POLQ: variants seen among roughly 807,000 people sequenced by gnomAD.
POLQ encodes epididymis secretory sperm binding protein.
POLQ carries 233 observed loss-of-function variants against 259.2 expected under a neutral mutation model. The observed-to-expected ratio is 0.90, with a 90% CI of 0.81 to 1.00. The LOEUF (loss-of-function observed/expected upper bound fraction) is 1.00. Among genes scored for constraint, POLQ ranks in the 50% least tolerant of loss-of-function variants. The pLI, the probability that POLQ is intolerant of heterozygous loss-of-function variation, is 0.00. For missense variants in POLQ, 2,871 were observed against 3,051.6 expected, an observed-to-expected ratio of 0.94 and a Z score of 1.39; for synonymous variants, 1,025 against 1,048.8, an observed-to-expected ratio of 0.98 and a Z score of 0.44.
rs754911146 is a variant in POLQ, at chr3:121,539,451, T to C, written c.613A>G (p.Asn205Asp). 1 of 1,602,274 alleles carries C rather than the reference T, an allele frequency of 6.2e-7. No individual in the cohort carries two copies. The highest frequency in any genetic ancestry group is 1.7e-4 in the Middle Eastern group (1 of 6,036). ...TTCTTACCTAACAGATCCATCTTAT[T>C]TTCCTCTATGAGGCGATTGATCAGA... ...NGLINRLIEE[N>D]KMDLLGMVVV... Residue 205 changes from asparagine (N) to aspartate (D), a missense_variant, in exon 4 of 30, where the codon AAT becomes GAT. Coordinates refer to ENST00000264233, the MANE Select transcript of POLQ (RefSeq NM_199420.4).
At chr3:121,444,085 T>C (rs548591382) in intron 26 of POLQ, among the ~76,000 whole-genome samples, 10 of 152,282 alleles carry the variant, frequency 6.6e-5, no homozygotes, top group African/African-American at 1.9e-4. Flanking sequence ...TGTGGTTCCA[T>C]GTAAATTGTA....
At chr3:121,432,499 A>T in intron 29 of POLQ, 82 bp from the exon 30 acceptor site, 2 of 1,433,778 alleles carry the variant, frequency 1.4e-6, no homozygotes, top group Non-Finnish European at 9.3e-7. Flanking sequence ...GTTATAAACC[A>T]GACTGGAGCT....
intron 20 of POLQ, 56 bp from the exon 21 acceptor site, chr3:121,473,543 C>A: frequency 7.0e-7 from 1 of 1,425,976 alleles, no homozygotes; most frequent in Non-Finnish European, 9.7e-7. Context: ...GATTATCATT[C>A]AGAAAATATT....
intron 27 of POLQ, among the ~76,000 whole-genome samples, chr3:121,437,586 T>G (rs1451239224): frequency 6.6e-6 from 1 of 152,178 alleles, no homozygotes; most frequent in Non-Finnish European, 1.5e-5. Flanking sequence ...ACTCACATAC[T>G]CTTCTGAAGG....
chr3:121,518,028 C>T (rs2048311644), intron 9 of POLQ, among the ~76,000 whole-genome samples: 1 of 152,174 alleles, frequency 6.6e-6, no homozygotes, highest in African/African-American at 2.4e-5. Flanking sequence ...CTGCCACGAA[C>T]ACAGAATACT....
intron 25 of POLQ, among the ~76,000 whole-genome samples, chr3:121,457,949 G>A (rs1016666925): frequency 3.9e-5 from 6 of 152,010 alleles, no homozygotes; most frequent in African/African-American, 7.2e-5. Context: ...TGTTTATTGC[G>A]GCACTATTCA....
chr3:121,542,142 G>GAA (rs770847564), intron 2 of POLQ, among the ~76,000 whole-genome samples: 1 of 122,406 alleles, frequency 8.2e-6, no homozygotes, highest in Admixed American at 8.2e-5. Context: ...TCTCAAAAAG[G>GAA]AAAAAAAAAA....
At chr3:121,481,260 G>C (rs2047967979) in intron 19 of POLQ, among the ~76,000 whole-genome samples, 1 of 152,212 alleles carries the variant, frequency 6.6e-6, no homozygotes, top group African/African-American at 2.4e-5. Flanking sequence ...ACAAGGGCCA[G>C]AAGTCAGCAA....
At chr3:121,502,749 A>G (rs991177971) in intron 12 of POLQ, among the ~76,000 whole-genome samples, 12 of 152,244 alleles carry the variant, frequency 7.9e-5, no homozygotes, top group Non-Finnish European at 1.2e-4. Flanking sequence ...CTCTAAAAAC[A>G]TTAAATTACA....
rs563687657 is a variant in POLQ, at chr3:121,488,360, T to A, written c.4571A>T (p.Asp1524Val). Residue 1524 changes from aspartate to valine, a missense_variant, in exon 16 of 30, where the codon GAT becomes GTT. Physicochemically the swap from Asp to Val is radical, Grantham distance 152. Coordinates refer to ENST00000264233, the MANE Select transcript of POLQ (RefSeq NM_199420.4). Reference protein sequence around the residue: ...PSEVTSNHFSDSLCLQEDLIK... With the variant: ...PSEVTSNHFSVSLCLQEDLIK... ...TAGGTCTTCTTGTAGACACAGAGAA[T>A]CACTAAAATGGTTTGATGTTACTTC... 3.7e-6 allele frequency: 6 copies of A among 1,612,792 alleles called. No homozygotes were observed. The East Asian group carries it at 1.3e-4, about 36-fold the overall frequency.
At chr3:121,450,072 C>T (rs1287637202) in intron 25 of POLQ, among the ~76,000 whole-genome samples, 1 of 151,696 alleles carries the variant, frequency 6.6e-6, no homozygotes, top group African/African-American at 2.4e-5. Context: ...ATCTATCATT[C>T]ACAAAATGTA....
At chr3:121,508,032 T>TG (rs1435354245) in intron 12 of POLQ, among the ~76,000 whole-genome samples, 1 of 151,044 alleles carries the variant, frequency 6.6e-6, no homozygotes, top group Non-Finnish European at 1.5e-5. Context: ...TTTTTTTTTT[T>TG]TTTGTTTGGT....
chr3:121,439,275 G>C (rs552915441), intron 27 of POLQ, among the ~76,000 whole-genome samples: 2 of 150,946 alleles, frequency 1.3e-5, no homozygotes, highest in African/African-American at 4.9e-5. Context: ...CTGCCACCTA[G>C]GCTGGAATAC....
chr3:121,521,862 CGCCCA>C, intron 8 of POLQ, 136 bp downstream of exon 8: 1 of 558,832 alleles, frequency 1.8e-6, no homozygotes, highest in South Asian at 3.2e-5. Flanking sequence ...TGAGCCACCA[CGCCCA>C]GCCCACACAA....
At chr3:121,486,767 G>A (rs2048014927) in intron 16 of POLQ, among the ~76,000 whole-genome samples, 1 of 151,950 alleles carries the variant, frequency 6.6e-6, no homozygotes, top group Non-Finnish European at 1.5e-5. Flanking sequence ...GGAGGCTGAG[G>A]CAGGAGAATT....
intron 4 of POLQ, among the ~76,000 whole-genome samples, chr3:121,537,543 G>A (rs1000976524): frequency 2.6e-5 from 4 of 152,176 alleles, no homozygotes; most frequent in Admixed American, 6.5e-5. Flanking sequence ...GTGAGAACAT[G>A]TGGTACTTGG....
chr3:121,454,948 C>A (rs1008567313), intron 25 of POLQ, among the ~76,000 whole-genome samples: 2 of 152,120 alleles, frequency 1.3e-5, no homozygotes, highest in Non-Finnish European at 2.9e-5. Context: ...AGCAGCACAC[C>A]ACACCTATTC....
At chr3:121,518,019 T>C (rs114496859) in intron 9 of POLQ, among the ~76,000 whole-genome samples, 5,438 of 152,302 alleles carry the variant, frequency 0.036, 150 homozygotes, top group Middle Eastern at 0.082. Flanking sequence ...TCTATAAAGC[T>C]GCCACGAACA....
intron 22 of POLQ, among the ~76,000 whole-genome samples, chr3:121,471,376 A>G (rs1267628596): frequency 6.6e-6 from 1 of 152,124 alleles, no homozygotes; most frequent in Non-Finnish European, 1.5e-5. Context: ...TGACTCAAAT[A>G]TTTAATTCCT....
Sources: gnomAD v4.1 joint callset for allele counts (sites outside exome capture counted in the v4.1 genomes callset) on GRCh38, gnomAD v4.1.1 for gene constraint, MANE v1.5 for transcripts, NCBI Gene and HGNC (gene_info 2026-07-23, HGNC 2026-07-21) for gene names.